Variants in FRMD4A observed in about 807,000 individuals in gnomAD.
FRMD4A encodes the protein FERM domain-containing protein 4A.
A neutral mutation model predicts 129.1 loss-of-function variants in FRMD4A; 29 were observed. The observed-to-expected ratio is 0.22, with a 90% CI of 0.17 to 0.31. The LOEUF is 0.31. FRMD4A is among the 10% of genes least tolerant of loss of function. FRMD4A has a pLI of 1.00. For missense variants in FRMD4A, 1,272 were observed against 1,375.8 expected (o/e 0.92, Z 1.19); for synonymous variants, 634 against 571.6 (o/e 1.11, Z -1.56).
intron 24 of FRMD4A, chr10:13,648,067 A>G (rs543557393): frequency 1.3e-5 from 2 of 152,252 alleles, no homozygotes; most frequent in South Asian, 4.1e-4. Flanking sequence ...TTTCTATTTC[A>G]TTTGCTAACC....
chr10:13,957,586 T>C (rs1565111835), intron 2 of FRMD4A, among the ~76,000 whole-genome samples: 1 of 152,070 alleles, frequency 6.6e-6, no homozygotes, highest in Non-Finnish European at 1.5e-5. Context: ...CACTTTATCA[T>C]AAACAGAGTC....
At chr10:13,988,677 G>C (rs1467687977) in intron 2 of FRMD4A, among the ~76,000 whole-genome samples, 2 of 152,200 alleles carry the variant, frequency 1.3e-5, no homozygotes, top group African/African-American at 4.8e-5. Context: ...TCGATAGATA[G>C]ATAGGTCTCT....
At chr10:14,254,469 C>T (rs889497411) in intron 2 of FRMD4A, among the ~76,000 whole-genome samples, 3 of 152,136 alleles carry the variant, frequency 2.0e-5, no homozygotes, top group African/African-American at 7.2e-5. Flanking sequence ...CTTGGCTCTT[C>T]CTCACCAGCA....
At chr10:13,937,829 C>A (rs915298461) in intron 2 of FRMD4A, among the ~76,000 whole-genome samples, 2 of 152,178 alleles carry the variant, frequency 1.3e-5, no homozygotes, top group Non-Finnish European at 2.9e-5. Context: ...TAATTGTAAC[C>A]ATTATATTGT....
chr10:14,024,235 T>C, intron 2 of FRMD4A, among the ~76,000 whole-genome samples: 1 of 152,248 alleles, frequency 6.6e-6, no homozygotes, highest in East Asian at 1.9e-4. Flanking sequence ...TCATGTGGAC[T>C]TGGGAACTGC....
chr10:13,876,779 A>G (rs188090207), intron 2 of FRMD4A, among the ~76,000 whole-genome samples: 3 of 152,060 alleles, frequency 2.0e-5, no homozygotes. Context: ...TGACTGCCAT[A>G]ATAGGCACAC....
intron 2 of FRMD4A, among the ~76,000 whole-genome samples, chr10:14,054,482 A>G (rs898164827): frequency 1.3e-5 from 2 of 152,194 alleles, no homozygotes; most frequent in Non-Finnish European, 2.9e-5. Context: ...GCTAAACTTT[A>G]GGTTCAACGA....
intron 2 of FRMD4A, among the ~76,000 whole-genome samples, chr10:13,967,551 C>A (rs2095493033): frequency 6.6e-6 from 1 of 152,092 alleles, no homozygotes; most frequent in Non-Finnish European, 1.5e-5. Context: ...TTTAAAAAAA[C>A]AAAAACAAAA....
Position 13,821,621 on chromosome 10 carries a change from CCAGAAA to C in FRMD4A, c.112-10719_112-10714del, listed in dbSNP as rs770503463. ...GAATTCATGCAGCCAGCCCTAGAAA[CCAGAAA>C]CACCTGAAGTAGACACCAGGATTGC... On this transcript the variant is annotated intron_variant, in intron 3 of 24. Coordinates refer to ENST00000357447, the MANE Select transcript of FRMD4A (RefSeq NM_018027.5). This position sits in a 1 kb window ranked among gnomAD's most constrained non-coding sequence, Gnocchi z 4.3. Among the ~76,000 whole-genome samples the C allele has an allele frequency of 1.2e-3, 184 of 152,266 alleles. No individual in the cohort carries two copies. The highest frequency in any genetic ancestry group is 1.9e-3 in the Non-Finnish European group (127 of 68,018).
Position 14,145,775 on chromosome 10 carries a change from A to C in FRMD4A, c.45+184283T>G, listed in dbSNP as rs1371192432. ...CCAGAAGACAGGATCTTAATTTCTC[A>C]CTATGCTGCCTGAGAGAGAGAGAAA... On this transcript the variant is annotated intron_variant, in intron 2 of 24. Transcript: ENST00000357447. Among the ~76,000 whole-genome samples, 3 of 152,162 alleles carry C rather than the reference A, an allele frequency of 2.0e-5. No homozygotes were observed. The East Asian group carries it at 5.8e-4, about 29-fold the overall frequency.
At chr10:13,844,457 G>T (rs2094014376) in intron 3 of FRMD4A, among the ~76,000 whole-genome samples, 1 of 152,120 alleles carries the variant, frequency 6.6e-6, no homozygotes. Flanking sequence ...ATTTATAAAA[G>T]ATTGACACTA....
intron 2 of FRMD4A, chr10:13,891,634 T>C: frequency 1.6e-5 from 16 of 985,256 alleles, no homozygotes; most frequent in Non-Finnish European, 1.9e-5. Flanking sequence ...CTTTTATTTT[T>C]TGCGCTTCCA....
At chr10:13,771,269 G>T (rs1288587815) in intron 6 of FRMD4A, among the ~76,000 whole-genome samples, 2 of 152,058 alleles carry the variant, frequency 1.3e-5, no homozygotes, top group Non-Finnish European at 2.9e-5. Context: ...TAGGGTTGGG[G>T]TCTTGCTATG....
At chr10:14,121,616 C>G (rs1838523854) in intron 2 of FRMD4A, among the ~76,000 whole-genome samples, 1 of 152,140 alleles carries the variant, frequency 6.6e-6, no homozygotes, top group Non-Finnish European at 1.5e-5. Context: ...TGGAGCAGGT[C>G]TCAGAATCCC....
chr10:14,302,343 C>T (rs1384827003), intron 2 of FRMD4A, among the ~76,000 whole-genome samples: 6 of 152,166 alleles, frequency 3.9e-5, no homozygotes, highest in Admixed American at 2.0e-4. Context: ...AAAACAGATA[C>T]ACAGTAAAAC....
intron 2 of FRMD4A, among the ~76,000 whole-genome samples, chr10:14,107,806 C>T (rs946516091): frequency 1.4e-4 from 22 of 152,168 alleles, no homozygotes; most frequent in African/African-American, 4.8e-4. Flanking sequence ...ATGCGATATT[C>T]TTTCATGCGG....
At chr10:13,967,506 C>T (rs149788674) in intron 2 of FRMD4A, among the ~76,000 whole-genome samples, 1,632 of 152,244 alleles carry the variant, frequency 0.011, 31 homozygotes, top group African/African-American at 0.038. Context: ...TAACTAACAC[C>T]ACCTGTTCCC....
chr10:13,774,657 A>T (rs2092552311), intron 6 of FRMD4A, among the ~76,000 whole-genome samples: 1 of 152,198 alleles, frequency 6.6e-6, no homozygotes, highest in African/African-American at 2.4e-5. Context: ...CCAGCTTGCG[A>T]CGGGATCACG....
intron 2 of FRMD4A, among the ~76,000 whole-genome samples, chr10:14,217,718 C>A (rs900358239): frequency 1.3e-5 from 2 of 152,178 alleles, no homozygotes; most frequent in African/African-American, 4.8e-5. Context: ...GGCTCCCAGA[C>A]AGGTCTCTGT....
Sources: gnomAD v4.1 joint callset for allele counts (sites outside exome capture counted in the v4.1 genomes callset) on GRCh38, gnomAD v4.1.1 for gene constraint, Gnocchi (gnomAD v3.1) non-coding constraint, MANE v1.5 for transcripts, NCBI Gene and HGNC (gene_info 2026-07-23, HGNC 2026-07-21) for gene names.